DLGAP1: variants seen among roughly 807,000 people sequenced by gnomAD.
The protein encoded by DLGAP1 is disks large-associated protein 1.
DLGAP1 carries 11 observed loss-of-function variants against 90.8 expected under a neutral mutation model. The observed-to-expected ratio is 0.12, with a 90% CI of 0.08 to 0.20. The LOEUF is 0.20. Ranked by LOEUF, DLGAP1 falls within the 10% of genes least tolerant of loss-of-function variation. The probability of loss-of-function intolerance (pLI) is 1.00; values close to 1 mark genes in which losing one functional copy is unlikely to be tolerated. For missense variants in DLGAP1, 1,050 were observed against 1,333.8 expected (o/e 0.79, Z 3.31); for synonymous variants, 558 against 540.7 (o/e 1.03, Z -0.44).
At chr18:3,944,553 T>C (rs1467695052) in intron 3 of DLGAP1, among the ~76,000 whole-genome samples, 2 of 152,058 alleles carry the variant, frequency 1.3e-5, no homozygotes, top group Non-Finnish European at 2.9e-5. Context: ...AGATTATTTC[T>C]AACACTGACT....
chr18:4,192,750 G>A (rs530405368), intron 1 of DLGAP1, among the ~76,000 whole-genome samples: 1 of 152,278 alleles, frequency 6.6e-6, no homozygotes, highest in African/African-American at 2.4e-5. Flanking sequence ...AACCAAATGA[G>A]GCCAATGTGG....
At chr18:3,669,378 A>C (rs1243403134) in intron 7 of DLGAP1, among the ~76,000 whole-genome samples, 2 of 152,070 alleles carry the variant, frequency 1.3e-5, no homozygotes, top group Admixed American at 1.3e-4. Flanking sequence ...CTTCCTGCCC[A>C]AATGTTGCAT....
chr18:4,450,240 A>G (rs1438749979), intron 1 of DLGAP1, among the ~76,000 whole-genome samples: 3 of 152,196 alleles, frequency 2.0e-5, no homozygotes, highest in Admixed American at 6.5e-5. Flanking sequence ...TTTGCAGTCC[A>G]GAAATAGACT....
intron 3 of DLGAP1, among the ~76,000 whole-genome samples, chr18:3,912,339 C>T (rs1171029735): frequency 6.6e-6 from 1 of 152,128 alleles, no homozygotes; most frequent in Non-Finnish European, 1.5e-5. Context: ...GAAGGAAACT[C>T]GCTCTTTTCT....
intron 4 of DLGAP1, among the ~76,000 whole-genome samples, chr18:3,831,326 A>G (rs911160425): frequency 6.6e-6 from 1 of 152,158 alleles, no homozygotes; most frequent in Non-Finnish European, 1.5e-5. Context: ...CATTTTATGG[A>G]TCACCAATCC....
Position 3,502,114 on chromosome 18 carries a change from C to A in DLGAP1, c.2724+379G>T, listed in dbSNP as rs186830180. 5 of 1,041,138 alleles carry A rather than the reference C, an allele frequency of 4.8e-6. No individual in the cohort carries two copies. The East Asian group carries it at 3.2e-4, about 67-fold the overall frequency. The allele number at this position is 1,041,138 out of a possible 1,614,324, so 64.5% of individuals were successfully genotyped here. ...ATCCTATTTTTCTTGAAAACACATC[C>A]TAGGGGTGTAAGGAAGTTGAACTCT... On this transcript the variant is annotated intron_variant, in intron 12 of 12. Transcript: ENST00000315677.
intron 5 of DLGAP1, among the ~76,000 whole-genome samples, chr18:3,743,072 C>A (rs2063127035): frequency 6.6e-6 from 1 of 151,940 alleles, no homozygotes; most frequent in Non-Finnish European, 1.5e-5. Flanking sequence ...AGGCACAACT[C>A]TCAATCTTTA....
intron 3 of DLGAP1, among the ~76,000 whole-genome samples, chr18:3,900,187 A>C (rs2071750702): frequency 6.6e-6 from 1 of 152,200 alleles, no homozygotes; most frequent in Non-Finnish European, 1.5e-5. Flanking sequence ...AAAGCTTATA[A>C]AATAATTGAA....
intron 1 of DLGAP1, among the ~76,000 whole-genome samples, chr18:4,225,231 AT>A (rs1359044005): frequency 6.6e-6 from 1 of 152,128 alleles, no homozygotes; most frequent in Non-Finnish European, 1.5e-5. Flanking sequence ...CATTACAAGG[AT>A]GGGGGTGCCA....
In DLGAP1 at chr18:4,077,922, G is replaced by A. The variant is rs191257358; in HGVS notation, c.-158-72721C>T. ...TCAAGAGCTCTGAACCATAGAAAGTGCCAGTTTGCTTCATAGGAATTTAAA... is the reference window on the plus strand; with the variant it reads ...TCAAGAGCTCTGAACCATAGAAAGTACCAGTTTGCTTCATAGGAATTTAAA... On this transcript the variant is annotated intron_variant, in intron 2 of 12. Coordinates refer to ENST00000315677, the MANE Select transcript of DLGAP1 (RefSeq NM_004746.4). Among the ~76,000 whole-genome samples the A allele has an allele frequency of 2.0e-5, 3 of 152,278 alleles. No individual in the cohort carries two copies. The East Asian group carries it at 5.8e-4, about 29-fold the overall frequency.
At chr18:4,267,249 A>T (rs541006310) in intron 1 of DLGAP1, among the ~76,000 whole-genome samples, 1 of 152,074 alleles carries the variant, frequency 6.6e-6, no homozygotes, top group African/African-American at 2.4e-5. Flanking sequence ...CTGCTGTCTT[A>T]ATACTGTGAT....
intron 1 of DLGAP1, among the ~76,000 whole-genome samples, chr18:4,203,333 A>G (rs2077648527): frequency 6.6e-6 from 1 of 151,972 alleles, no homozygotes; most frequent in Admixed American, 6.6e-5. Context: ...AGTATAAAAT[A>G]CTCTCTAGTT....
At chr18:4,031,025 A>G (rs2074787756) in intron 2 of DLGAP1, among the ~76,000 whole-genome samples, 1 of 152,136 alleles carries the variant, frequency 6.6e-6, no homozygotes, top group African/African-American at 2.4e-5. Flanking sequence ...TCCCCTCATT[A>G]AACCCTATAT....
chr18:3,897,993 AC>A (rs2071683700), intron 3 of DLGAP1, among the ~76,000 whole-genome samples: 1 of 151,244 alleles, frequency 6.6e-6, no homozygotes, highest in Non-Finnish European at 1.5e-5. Flanking sequence ...ACGGGGTTTC[AC>A]CTTGTTAGCC....
At chr18:3,594,183 T>A (rs891162512) in intron 7 of DLGAP1, 1 of 152,372 alleles carries the variant, frequency 6.6e-6, no homozygotes, top group Admixed American at 6.5e-5. Context: ...GCCGGAGGAC[T>A]GTGCTGTGCC....
intron 2 of DLGAP1, among the ~76,000 whole-genome samples, chr18:4,014,522 ACACTT>A (rs1203872215): frequency 6.6e-6 from 1 of 152,230 alleles, no homozygotes; most frequent in Non-Finnish European, 1.5e-5. Flanking sequence ...AATTTATTGT[ACACTT>A]CAAAGTAGCT....
intron 1 of DLGAP1, among the ~76,000 whole-genome samples, chr18:4,389,151 A>G (rs1016892777): frequency 6.6e-6 from 1 of 152,212 alleles, no homozygotes; most frequent in South Asian, 2.1e-4. Flanking sequence ...AATATGATAT[A>G]TAGAAACTAT....
At chr18:3,884,265 A>C (rs1046442932) in intron 3 of DLGAP1, among the ~76,000 whole-genome samples, 3 of 152,226 alleles carry the variant, frequency 2.0e-5, no homozygotes, top group Admixed American at 6.5e-5. Context: ...GGTTCCACTG[A>C]GGACATTTTT....
intron 1 of DLGAP1, among the ~76,000 whole-genome samples, chr18:4,401,432 C>T (rs2082552013): frequency 6.6e-6 from 1 of 152,216 alleles, no homozygotes; most frequent in East Asian, 1.9e-4. Context: ...CCAGGCACTA[C>T]ACTAGGCATG....
Sources: allele counts gnomAD v4.1 joint callset (sites outside exome capture counted in the v4.1 genomes callset), GRCh38; gene constraint gnomAD v4.1.1; transcripts MANE v1.5; gene names NCBI Gene and HGNC (gene_info 2026-07-23, HGNC 2026-07-21).